Variants in RORA observed in about 807,000 individuals in gnomAD.
RORA encodes RAR related orphan receptor A.
RORA carries 7 observed loss-of-function variants against 69.5 expected under a neutral mutation model. The observed-to-expected ratio is 0.10, with a 90% CI of 0.06 to 0.19. The LOEUF (loss-of-function observed/expected upper bound fraction) is 0.19. RORA is among the 10% of genes least tolerant of loss of function. The pLI is 1.00. For synonymous variants in RORA, 261 were observed against 240.8 expected (o/e 1.08, Z -0.78); for missense variants, 457 against 663.0 (o/e 0.69, Z 3.41).
chr15:61,075,880 C>A (rs2078441887), intron 1 of RORA, among the ~76,000 whole-genome samples: 1 of 152,168 alleles, frequency 6.6e-6, no homozygotes, highest in South Asian at 2.1e-4. Context: ...CATATCACAC[C>A]CTCCCCATAC....
chr15:60,835,500 C>T (rs2073103994), intron 1 of RORA, among the ~76,000 whole-genome samples: 1 of 152,150 alleles, frequency 6.6e-6, no homozygotes, highest in South Asian at 2.1e-4. Flanking sequence ...GGAGATATAC[C>T]TAAAAGTGAA....
chr15:61,146,272 T>C (rs2079347566), intron 1 of RORA, among the ~76,000 whole-genome samples: 1 of 152,110 alleles, frequency 6.6e-6, no homozygotes, highest in African/African-American at 2.4e-5. Context: ...TCAATAGAAA[T>C]TGCTGTTTCT....
At chr15:60,861,528 A>T (rs1446060238) in intron 1 of RORA, among the ~76,000 whole-genome samples, 1 of 152,172 alleles carries the variant, frequency 6.6e-6, no homozygotes, top group Non-Finnish European at 1.5e-5. Flanking sequence ...AGATAGATTG[A>T]CTGATTGATT....
At chr15:61,086,294 ATGTCTGAGAAGGAATTC>A (rs1369345042) in intron 1 of RORA, among the ~76,000 whole-genome samples, 1 of 152,220 alleles carries the variant, frequency 6.6e-6, no homozygotes, top group Admixed American at 6.5e-5. Flanking sequence ...TGCTGGGATT[ATGTCTGAGAAGGAATTC>A]TGGTTCTAAG....
At chr15:61,007,723 T>C (rs954906519) in intron 1 of RORA, among the ~76,000 whole-genome samples, 3 of 148,902 alleles carry the variant, frequency 2.0e-5, no homozygotes, top group Admixed American at 6.7e-5. Flanking sequence ...TAGGCTAATA[T>C]TATATATTTT....
intron 1 of RORA, among the ~76,000 whole-genome samples, chr15:60,953,894 G>A: frequency 6.7e-6 from 1 of 148,542 alleles, no homozygotes; most frequent in African/African-American, 2.5e-5. Context: ...CGATTCCTCA[G>A]GGATCTAGAA....
At chr15:61,132,239 TA>T (rs1305932626) in intron 1 of RORA, among the ~76,000 whole-genome samples, 1 of 152,198 alleles carries the variant, frequency 6.6e-6, no homozygotes, top group Non-Finnish European at 1.5e-5. Flanking sequence ...TTAACCACAT[TA>T]AATGCTAGCA....
At chr15:61,077,605 C>G (rs1435030400) in intron 1 of RORA, among the ~76,000 whole-genome samples, 1 of 152,148 alleles carries the variant, frequency 6.6e-6, no homozygotes, top group Non-Finnish European at 1.5e-5. Flanking sequence ...AAGCCTACTG[C>G]CAACTACAAG....
chr15:61,224,005 C>A (rs1451307481), intron 1 of RORA, among the ~76,000 whole-genome samples: 41 of 142,598 alleles, frequency 2.9e-4, no homozygotes, highest in South Asian at 6.6e-4. Context: ...AATTAGATAT[C>A]AAAAAAAAAA....
chr15:61,127,082 T>A (rs1474920162), intron 1 of RORA, among the ~76,000 whole-genome samples: 1 of 152,152 alleles, frequency 6.6e-6, no homozygotes, highest in East Asian at 1.9e-4. Context: ...ATTACTATAT[T>A]AGACACCTAC....
intron 1 of RORA, among the ~76,000 whole-genome samples, chr15:60,730,997 T>C (rs2071423200): frequency 6.6e-6 from 1 of 152,172 alleles, no homozygotes; most frequent in Admixed American, 6.5e-5. Context: ...ATTTCATCAC[T>C]CAGGTATTAA....
intron 2 of RORA, among the ~76,000 whole-genome samples, chr15:60,618,116 C>T (rs996187633): frequency 1.6e-4 from 24 of 152,238 alleles, no homozygotes; most frequent in African/African-American, 5.8e-4. Context: ...TTATCCATAT[C>T]TTTCTTTTCT....
chr15:60,964,092 G>A (rs1893485662), intron 1 of RORA, among the ~76,000 whole-genome samples: 1 of 152,158 alleles, frequency 6.6e-6, no homozygotes, highest in Admixed American at 6.5e-5. Flanking sequence ...GGAAACCATA[G>A]CCCAGAAAGT....
At chr15:61,164,995 C>T (rs1216796829) in intron 1 of RORA, among the ~76,000 whole-genome samples, 1 of 152,162 alleles carries the variant, frequency 6.6e-6, no homozygotes, top group Non-Finnish European at 1.5e-5. Flanking sequence ...CCCTGCACCA[C>T]CTACCCCTCT....
chr15:60,952,387 G>C (rs1028634022), intron 1 of RORA, among the ~76,000 whole-genome samples: 20 of 152,108 alleles, frequency 1.3e-4, no homozygotes, highest in African/African-American at 4.8e-4. Flanking sequence ...GCACAAGACA[G>C]GGATGCCCTC....
At chr15:60,680,906 C>T (rs1450473383) in intron 1 of RORA, among the ~76,000 whole-genome samples, 1 of 152,064 alleles carries the variant, frequency 6.6e-6, no homozygotes, top group Non-Finnish European at 1.5e-5. Context: ...GACACAAGAG[C>T]AATATTTGTT....
At chr15:60,835,076 T>C (rs1027313112) in intron 1 of RORA, among the ~76,000 whole-genome samples, 3 of 152,178 alleles carry the variant, frequency 2.0e-5, no homozygotes, top group African/African-American at 7.2e-5. Context: ...AGCTCAAGTG[T>C]CTACAAGACC....
chr15:60,747,882 T>G (rs1363041121), intron 1 of RORA, among the ~76,000 whole-genome samples: 1 of 152,208 alleles, frequency 6.6e-6, no homozygotes, highest in Non-Finnish European at 1.5e-5. Flanking sequence ...ATAATAATGC[T>G]TCTTTGTTTC....
intron 1 of RORA, among the ~76,000 whole-genome samples, chr15:61,192,571 T>A: frequency 6.6e-6 from 1 of 152,330 alleles, no homozygotes; most frequent in Non-Finnish European, 1.5e-5. Flanking sequence ...AAAGACAGTG[T>A]CTGCCACAAT....
Sources: gnomAD v4.1 joint callset for allele counts (sites outside exome capture counted in the v4.1 genomes callset) on GRCh38, gnomAD v4.1.1 for gene constraint, MANE v1.5 for transcripts, NCBI Gene and HGNC (gene_info 2026-07-23, HGNC 2026-07-21) for gene names.